LTBP1: variants seen among roughly 807,000 people sequenced by gnomAD.
LTBP1 encodes latent-transforming growth factor beta-binding protein 1.
LTBP1 carries 129 observed loss-of-function variants against 207.6 expected under a neutral mutation model. The ratio of observed to expected loss-of-function variants is 0.62; its 90% confidence interval spans 0.54 to 0.72. The LOEUF is 0.72. Among genes scored for constraint, LTBP1 ranks in the 30% least tolerant of loss-of-function variants. The probability of loss-of-function intolerance (pLI) is 0.00; values close to 1 mark genes in which losing one functional copy is unlikely to be tolerated. For synonymous variants in LTBP1, 963 were observed against 833.7 expected, an observed-to-expected ratio of 1.16 and a Z score of -2.67; for missense variants, 2,281 against 2,217.2, an observed-to-expected ratio of 1.03 and a Z score of -0.58.
At chr2:33,101,412 T>C (rs1250201980) in intron 3 of LTBP1, among the ~76,000 whole-genome samples, 3 of 152,222 alleles carry the variant, frequency 2.0e-5, no homozygotes, top group Non-Finnish European at 4.4e-5. Context: ...GTGAAAGAAT[T>C]GAATATCAGG....
chr2:33,206,139 C>G lies in LTBP1; in HGVS notation c.1702-11413C>G, dbSNP rs756563765. Among the ~76,000 whole-genome samples, 4 of 152,270 alleles carry G rather than the reference C, an allele frequency of 2.6e-5. No homozygotes were observed. In the East Asian group the frequency reaches 7.7e-4, roughly 29 times the overall value. On this transcript the variant is annotated intron_variant, in intron 7 of 33. Transcript: ENST00000404816. ...CTTTGGGGAACAATGGATGTTTCTG[C>G]CAGAAGAGTCAGGGCAGTGGACAAG...
At chr2:33,101,866 TACTC>T (rs1246468510) in intron 3 of LTBP1, among the ~76,000 whole-genome samples, 24 of 152,372 alleles carry the variant, frequency 1.6e-4, no homozygotes, top group East Asian at 3.9e-4. Flanking sequence ...TTAAATAACT[TACTC>T]AGTTCAAGGT....
At chr2:32,955,037 T>C (rs997218461) in intron 2 of LTBP1, among the ~76,000 whole-genome samples, 32 of 152,228 alleles carry the variant, frequency 2.1e-4, no homozygotes, top group African/African-American at 7.7e-4. Context: ...TTTGTTAAAA[T>C]GTTGAAAGTT....
In LTBP1 at chr2:33,059,623, G is replaced by A. The variant is rs368305680; in HGVS notation, c.863+38417G>A. Among the ~76,000 whole-genome samples, 9 of 152,216 alleles carry A rather than the reference G, an allele frequency of 5.9e-5. No individual in the cohort carries two copies. The East Asian group carries it at 1.2e-3, about 20-fold the overall frequency. On this transcript the variant is annotated intron_variant, in intron 3 of 33. Transcript: ENST00000404816. The stretch of plus-strand genomic sequence containing the variant: ...GCTTGTGTTTAAGAAGTCTGGGCCT[G>A]AAGAGGTGGAAATACAGGGGGTCAG...
chr2:33,111,776 A>G (rs1225997355), intron 4 of LTBP1, among the ~76,000 whole-genome samples: 4 of 152,146 alleles, frequency 2.6e-5, no homozygotes, highest in Non-Finnish European at 5.9e-5. Context: ...ACCGGTGGCT[A>G]GACCCCAGAA....
At chr2:33,391,772 C>A (rs144089069) in intron 32 of LTBP1, among the ~76,000 whole-genome samples, 10 of 147,646 alleles carry the variant, frequency 6.8e-5, no homozygotes, top group Admixed American at 1.4e-4. Flanking sequence ...TATGTACCTT[C>A]TTTTTAATGC....
intron 24 of LTBP1, among the ~76,000 whole-genome samples, chr2:33,318,924 G>T (rs2094313067): frequency 6.6e-6 from 1 of 151,826 alleles, no homozygotes; most frequent in Admixed American, 6.6e-5. Flanking sequence ...GCAAGACTCT[G>T]TCTCTACAAA....
intron 3 of LTBP1, among the ~76,000 whole-genome samples, chr2:33,095,243 T>C (rs1401846287): frequency 6.6e-6 from 1 of 152,142 alleles, no homozygotes; most frequent in Non-Finnish European, 1.5e-5. Flanking sequence ...AAGTGAACTA[T>C]TTGAAGGCAT....
At chr2:33,252,408 G>C (rs537062953) in intron 10 of LTBP1, among the ~76,000 whole-genome samples, 1 of 152,260 alleles carries the variant, frequency 6.6e-6, no homozygotes, top group Admixed American at 6.5e-5. Context: ...TCTTCATTAC[G>C]CACACATACC....
At chr2:32,988,044 A>G (rs1683863476) in intron 2 of LTBP1, among the ~76,000 whole-genome samples, 1 of 152,248 alleles carries the variant, frequency 6.6e-6, no homozygotes, top group African/African-American at 2.4e-5. Context: ...GAAGTGTCAC[A>G]GCCACAAGCC....
intron 3 of LTBP1, among the ~76,000 whole-genome samples, chr2:33,091,025 T>C (rs1231946159): frequency 1.3e-5 from 2 of 152,244 alleles, no homozygotes; most frequent in Non-Finnish European, 1.5e-5. Flanking sequence ...TGCCCCATGC[T>C]GCTCTAATTG....
At chr2:33,335,765 T>C (rs1449771845) in intron 24 of LTBP1, among the ~76,000 whole-genome samples, 1 of 152,166 alleles carries the variant, frequency 6.6e-6, no homozygotes, top group East Asian at 1.9e-4. Flanking sequence ...AGATTTACTC[T>C]CTCCTAGCCG....
intron 5 of LTBP1, among the ~76,000 whole-genome samples, chr2:33,144,308 G>T (rs999974290): frequency 6.6e-6 from 1 of 152,162 alleles, no homozygotes; most frequent in African/African-American, 2.4e-5. Context: ...ACTTAAGCTT[G>T]CTGTGGGTAG....
chr2:33,056,943 G>A (rs1022349710), intron 3 of LTBP1, among the ~76,000 whole-genome samples: 3 of 152,082 alleles, frequency 2.0e-5, no homozygotes, highest in African/African-American at 4.8e-5. Context: ...ACAGAGAGCC[G>A]ATTGGTCCGT....
At chr2:33,100,640 T>A (rs1200626191) in intron 3 of LTBP1, among the ~76,000 whole-genome samples, 1 of 152,174 alleles carries the variant, frequency 6.6e-6, no homozygotes, top group Admixed American at 6.5e-5. Context: ...ACTTTCTGTT[T>A]CCAGAACTTT....
chr2:33,363,251 T>C, intron 28 of LTBP1, 139 bp from the exon 29 acceptor site: 4 of 778,236 alleles, frequency 5.1e-6, no homozygotes, highest in Non-Finnish European at 6.0e-6. Flanking sequence ...TTAAGAAGGT[T>C]ATATTGCTGT....
intron 7 of LTBP1, among the ~76,000 whole-genome samples, chr2:33,216,745 C>T (rs898815676): frequency 5.3e-5 from 8 of 152,128 alleles, no homozygotes; most frequent in Non-Finnish European, 1.0e-4. Flanking sequence ...TTGGATGGGT[C>T]CACAGAGCAG....
At chr2:33,186,757 C>A in intron 5 of LTBP1, 99 bp from the exon 6 acceptor site, 1 of 836,976 alleles carries the variant, frequency 1.2e-6, no homozygotes, top group Admixed American at 2.2e-5. Flanking sequence ...GACTCTGATG[C>A]CTATAATGGG....
intron 19 of LTBP1, among the ~76,000 whole-genome samples, chr2:33,290,482 G>C (rs1196795827): frequency 6.6e-6 from 1 of 152,168 alleles, no homozygotes. Context: ...TAAAGTAGAG[G>C]AGCCAACACC....
Sources: gnomAD v4.1 joint callset for allele counts (sites outside exome capture counted in the v4.1 genomes callset) on GRCh38, gnomAD v4.1.1 for gene constraint, MANE v1.5 for transcripts, NCBI Gene and HGNC (gene_info 2026-07-23, HGNC 2026-07-21) for gene names.